The following C3orf70 variants were observed in gnomAD, a reference collection of about 807,000 sequenced individuals.
The protein encoded by C3orf70 is chromosome 3 open reading frame 70.
Under a neutral mutation model 20.7 loss-of-function variants are expected in C3orf70, and 15 were observed. The observed-to-expected ratio is 0.72, with a 90% CI of 0.48 to 1.11. The LOEUF (loss-of-function observed/expected upper bound fraction) is 1.11. C3orf70 is among the 50% of genes most tolerant of loss of function. The pLI is 0.00. For missense variants in C3orf70, 332 were observed against 317.6 expected (o/e 1.05, Z -0.34); for synonymous variants, 161 against 125.7 (o/e 1.28, Z -1.88).
chr3:185,129,936 G>C (rs1310584010), intron 1 of C3orf70, among the ~76,000 whole-genome samples: 1 of 152,124 alleles, frequency 6.6e-6, no homozygotes, highest in Non-Finnish European at 1.5e-5. Flanking sequence ...GGTAATCACT[G>C]ACATTTTGGC....
intron 1 of C3orf70, among the ~76,000 whole-genome samples, chr3:185,152,387 G>C (rs1380309544): frequency 1.3e-5 from 2 of 152,232 alleles, no homozygotes; most frequent in Non-Finnish European, 2.9e-5. Flanking sequence ...TGTAGAAGTA[G>C]CTAAAGAAAG....
At chr3:185,096,967 A>G (rs967280396) in intron 1 of C3orf70, among the ~76,000 whole-genome samples, 2 of 152,120 alleles carry the variant, frequency 1.3e-5, no homozygotes, top group African/African-American at 4.8e-5. Context: ...GCCTTGGTGA[A>G]AGGACCTCCT....
intron 1 of C3orf70, among the ~76,000 whole-genome samples, chr3:185,120,103 A>C (rs1413996819): frequency 6.6e-6 from 1 of 152,182 alleles, no homozygotes; most frequent in African/African-American, 2.4e-5. Context: ...AGCACTACAA[A>C]TCACTTAAGA....
At chr3:185,106,377 G>A (rs1358950846) in intron 1 of C3orf70, among the ~76,000 whole-genome samples, 1 of 152,196 alleles carries the variant, frequency 6.6e-6, no homozygotes, top group East Asian at 1.9e-4. Flanking sequence ...AGGACTGAGA[G>A]TGGATAAAGG....
At chr3:185,089,907 T>C (rs1219132913) in intron 1 of C3orf70, among the ~76,000 whole-genome samples, 1 of 152,254 alleles carries the variant, frequency 6.6e-6, no homozygotes, top group Non-Finnish European at 1.5e-5. Context: ...TTATGATGTT[T>C]TCCTTCTTTG....
rs1337249782 is a variant in C3orf70, at chr3:185,079,220, G to GC, written c.*3786dup. 1.3e-5 allele frequency: 2 copies of GC among 148,776 alleles called. No individual in the cohort carries two copies. Among genetic ancestry groups the GC allele is most frequent in the African/African-American group, 5.0e-5 (2 of 39,750 alleles). The allele number at this position is 148,776 out of a possible 1,614,324, so 9.2% of individuals were successfully genotyped here. ...GGCATGAACCTGGGAGGCAGAGCTG[G>GC]CAGTGAGCCGAGATCGCGCCACTGC... On this transcript the variant is annotated 3_prime_UTR_variant, in exon 2 of 2. Coordinates refer to ENST00000335012, the MANE Select transcript of C3orf70 (RefSeq NM_001025266.3).
chr3:185,151,766 C>A (rs1263707899), intron 1 of C3orf70, among the ~76,000 whole-genome samples: 5 of 152,198 alleles, frequency 3.3e-5, no homozygotes, highest in African/African-American at 9.6e-5. Flanking sequence ...TATGTGGAAA[C>A]TAACTTTAGA....
chr3:185,088,803 A>G (rs929765621), intron 1 of C3orf70, among the ~76,000 whole-genome samples: 2 of 152,198 alleles, frequency 1.3e-5, no homozygotes, highest in African/African-American at 2.4e-5. Flanking sequence ...TCTGCAACAA[A>G]TATTACTGTG....
chr3:185,116,739 T>TG (rs1206533532), intron 1 of C3orf70, among the ~76,000 whole-genome samples: 1 of 151,972 alleles, frequency 6.6e-6, no homozygotes. Context: ...TCATAGACTA[T>TG]GATAGAAAGG....
At chr3:185,098,836 C>T (rs751716807) in intron 1 of C3orf70, among the ~76,000 whole-genome samples, 23 of 152,146 alleles carry the variant, frequency 1.5e-4, no homozygotes, top group Non-Finnish European at 3.2e-4. Flanking sequence ...CTGAATAGAA[C>T]AGAAATACCA....
intron 1 of C3orf70, among the ~76,000 whole-genome samples, chr3:185,114,540 A>G (rs896196548): frequency 7.9e-5 from 12 of 152,204 alleles, no homozygotes; most frequent in Admixed American, 7.2e-4. Flanking sequence ...AACCTATCCT[A>G]AAATGTTTCC....
At chr3:185,096,422 C>A (rs1715706037) in intron 1 of C3orf70, among the ~76,000 whole-genome samples, 1 of 152,144 alleles carries the variant, frequency 6.6e-6, no homozygotes, top group Admixed American at 6.5e-5. Context: ...GGGAGTCATT[C>A]CACAGTAAGC....
rs1715262334 is a variant in C3orf70 at position 185,078,927 on chromosome 3, G to C, written c.*4080C>G. 2 of 152,072 alleles carry C rather than the reference G, an allele frequency of 1.3e-5. No individual in the cohort carries two copies. The highest frequency in any genetic ancestry group is 1.3e-4 in the Admixed American group (2 of 15,258). The allele number at this position is 152,072 out of a possible 1,614,324, so 9.4% of individuals were successfully genotyped here. A position where few individuals can be genotyped will look rare whatever the true frequency, so the allele number is the denominator to read the frequency against. On this transcript the variant is annotated 3_prime_UTR_variant, in exon 2 of 2. Coordinates refer to ENST00000335012, the MANE Select transcript of C3orf70 (RefSeq NM_001025266.3). ...GTCAAGAATTAAATTAGCATAAAAG[G>C]GGTTTGTTATCGGTCCCAAAATACT...
intron 1 of C3orf70, among the ~76,000 whole-genome samples, chr3:185,129,931 T>C (rs2108602081): frequency 6.6e-6 from 1 of 152,298 alleles, no homozygotes; most frequent in East Asian, 1.9e-4. Flanking sequence ...TCAAAGGTAA[T>C]CACTGACATT....
At chr3:185,105,698 C>T (rs1023973017) in intron 1 of C3orf70, among the ~76,000 whole-genome samples, 5 of 152,152 alleles carry the variant, frequency 3.3e-5, no homozygotes, top group Admixed American at 6.5e-5. Flanking sequence ...TCTCCCCAAC[C>T]GAGCTGGTCT....
chr3:185,139,134 C>A (rs886936557), intron 1 of C3orf70, among the ~76,000 whole-genome samples: 1 of 109,084 alleles, frequency 9.2e-6, no homozygotes, highest in African/African-American at 3.5e-5. Flanking sequence ...GGAGGGGGAG[C>A]GGGAGGAGGA....
At chr3:185,129,260 G>A (rs555066445) in intron 1 of C3orf70, among the ~76,000 whole-genome samples, 1 of 152,230 alleles carries the variant, frequency 6.6e-6, no homozygotes, top group African/African-American at 2.4e-5. Flanking sequence ...AGTGTCTATT[G>A]TTCCCATGTT....
At position 185,134,114 on chromosome 3, in the gene C3orf70, A is replaced by G. The variant is rs970469367; in HGVS notation, c.196+18514T>C. Among the ~76,000 whole-genome samples, 14 of 144,884 alleles carry G rather than the reference A, an allele frequency of 9.7e-5. 2 individuals carry two copies. Among genetic ancestry groups the G allele is most frequent in the African/African-American group, 3.4e-4 (13 of 38,206 alleles). Reference sequence around the variant, plus strand: ...TCAAAAAGAAAAAGAAAAAAAATACATCATATATATATAGAGGAGATGGAT... The same window carrying G: ...TCAAAAAGAAAAAGAAAAAAAATACGTCATATATATATAGAGGAGATGGAT... On this transcript the variant is annotated intron_variant, in intron 1 of 1. Transcript: ENST00000335012.
At chr3:185,115,597 C>A (rs1342177967) in intron 1 of C3orf70, among the ~76,000 whole-genome samples, 1 of 152,174 alleles carries the variant, frequency 6.6e-6, no homozygotes, top group Non-Finnish European at 1.5e-5. Flanking sequence ...GGCTCAGCAC[C>A]CTCCTTTTGC....
Sources: gnomAD v4.1 joint callset for allele counts (sites outside exome capture counted in the v4.1 genomes callset) on GRCh38, gnomAD v4.1.1 for gene constraint, MANE v1.5 for transcripts, NCBI Gene and HGNC (gene_info 2026-07-23, HGNC 2026-07-21) for gene names.